The following DTD1 variants were observed in gnomAD, a reference collection of about 807,000 sequenced individuals.
DTD1 encodes the protein D-tyrosyl-tRNA deacylase 1 homolog.
A neutral mutation model predicts 25.6 loss-of-function variants in DTD1; 13 were observed. That is an observed-to-expected ratio of 0.51 (90% CI 0.33 to 0.81). The LOEUF (loss-of-function observed/expected upper bound fraction) is 0.81, where lower values mean the gene tolerates loss of function less well. Ranked by LOEUF, DTD1 falls within the 30% of genes least tolerant of loss-of-function variation. The pLI, the probability that DTD1 is intolerant of heterozygous loss-of-function variation, is 0.02. For synonymous variants in DTD1, 110 were observed against 103.6 expected, an observed-to-expected ratio of 1.06 and a Z score of -0.37; for missense variants, 193 against 266.4, an observed-to-expected ratio of 0.72 and a Z score of 1.92.
intron 4 of DTD1, among the ~76,000 whole-genome samples, chr20:18,723,906 G>A (rs1568681971): frequency 1.3e-5 from 2 of 152,194 alleles, no homozygotes; most frequent in Non-Finnish European, 2.9e-5. Context: ...GAGTGGCTCA[G>A]TAGTGTCCTC....
At chr20:18,716,073 C>T (rs2061179446) in intron 4 of DTD1, among the ~76,000 whole-genome samples, 1 of 152,182 alleles carries the variant, frequency 6.6e-6, no homozygotes, top group Non-Finnish European at 1.5e-5. Context: ...AACTGCTTTT[C>T]AGGCATTTGG....
intron 4 of DTD1, chr20:18,631,056 C>T: frequency 1.0e-6 from 1 of 985,396 alleles, no homozygotes; most frequent in Non-Finnish European, 1.2e-6. Context: ...ACCTCTTTCC[C>T]CTTGTCTGTC....
At chr20:18,627,725 C>T (rs1324780003) in intron 3 of DTD1, among the ~76,000 whole-genome samples, 1 of 152,182 alleles carries the variant, frequency 6.6e-6, no homozygotes, top group Non-Finnish European at 1.5e-5. Context: ...CAAATCTCAT[C>T]TTGAATTGTA....
chr20:18,754,374 G>C (rs2061331321), intron 5 of DTD1, among the ~76,000 whole-genome samples: 1 of 152,162 alleles, frequency 6.6e-6, no homozygotes, highest in South Asian at 2.1e-4. Flanking sequence ...TGAAATTGTG[G>C]TGCTAAGTTA....
At chr20:18,694,645 G>A (rs1199266396) in intron 4 of DTD1, among the ~76,000 whole-genome samples, 1 of 152,234 alleles carries the variant, frequency 6.6e-6, no homozygotes, top group Non-Finnish European at 1.5e-5. Flanking sequence ...TTAGGGAGCA[G>A]CAGCCGGGCC....
intron 4 of DTD1, among the ~76,000 whole-genome samples, chr20:18,743,376 G>T (rs1188689535): frequency 3.3e-5 from 5 of 152,216 alleles, no homozygotes; most frequent in Non-Finnish European, 7.3e-5. Context: ...CTTCAGCAAA[G>T]AGTAATGTGT....
At position 18,593,662 on chromosome 20, in the gene DTD1, G is replaced by A. The variant is rs2060599228; in HGVS notation, c.44-69G>A. On this transcript the variant is annotated intron_variant, in intron 1 of 5. Transcript: ENST00000377452. ...TGTATGATGTTTAAAATACTCCTAT[G>A]GTTACTTAAAAGTGCTTTATGACCT... 3.7e-6 allele frequency: 4 copies of A among 1,087,142 alleles called. No individual in the cohort carries two copies. In the South Asian group the frequency reaches 5.2e-5, roughly 14 times the overall value. 67.3% of individuals were successfully genotyped at this position (1,087,142 alleles called of 1,614,324 possible).
At chr20:18,698,112 C>CT (rs570157344) in intron 4 of DTD1, among the ~76,000 whole-genome samples, 122 of 152,280 alleles carry the variant, frequency 8.0e-4, no homozygotes, top group Non-Finnish European at 1.5e-3. Context: ...ATCAGTAAAA[C>CT]TTTAGCAAAT....
At chr20:18,674,131 A>G (rs2060960882) in intron 4 of DTD1, among the ~76,000 whole-genome samples, 1 of 152,144 alleles carries the variant, frequency 6.6e-6, no homozygotes, top group Non-Finnish European at 1.5e-5. Flanking sequence ...TGATATTAAT[A>G]TACAGAGAAA....
intron 4 of DTD1, among the ~76,000 whole-genome samples, chr20:18,635,299 A>G (rs1239691172): frequency 6.6e-6 from 1 of 152,258 alleles, no homozygotes; most frequent in Non-Finnish European, 1.5e-5. Context: ...GGAACTCAGC[A>G]AAGCGTCCTC....
At chr20:18,759,732 G>T (rs1249675129) in intron 5 of DTD1, among the ~76,000 whole-genome samples, 6 of 152,162 alleles carry the variant, frequency 3.9e-5, no homozygotes, top group Non-Finnish European at 8.8e-5. Flanking sequence ...CTCTTCTCGA[G>T]CAGTATCTTT....
intron 4 of DTD1, among the ~76,000 whole-genome samples, chr20:18,663,202 A>C (rs1485737327): frequency 6.6e-6 from 1 of 152,112 alleles, no homozygotes; most frequent in Non-Finnish European, 1.5e-5. Flanking sequence ...TTCATGATCT[A>C]GTTTGGTAGA....
chr20:18,720,355 C>T (rs898592574), intron 4 of DTD1, among the ~76,000 whole-genome samples: 2 of 152,282 alleles, frequency 1.3e-5, no homozygotes, highest in South Asian at 2.1e-4. Flanking sequence ...CTCATTTGCA[C>T]CTACCTGCAG....
intron 4 of DTD1, among the ~76,000 whole-genome samples, chr20:18,739,075 C>T (rs1319737148): frequency 2.0e-5 from 3 of 152,152 alleles, no homozygotes; most frequent in Non-Finnish European, 4.4e-5. Flanking sequence ...TGCAGTGTGT[C>T]CTAAGGCCTT....
chr20:18,649,127 C>G (rs1319971005), intron 4 of DTD1, among the ~76,000 whole-genome samples: 2 of 151,022 alleles, frequency 1.3e-5, no homozygotes, highest in Non-Finnish European at 2.9e-5. Flanking sequence ...CTAACATATT[C>G]CTTCTTTTTG....
chr20:18,641,308 G>A (rs1351425445), intron 4 of DTD1, among the ~76,000 whole-genome samples: 2 of 152,174 alleles, frequency 1.3e-5, no homozygotes, highest in African/African-American at 2.4e-5. Flanking sequence ...TAACATTGGT[G>A]TACCAATATC....
chr20:18,625,894 A>C (rs144066136), intron 3 of DTD1, among the ~76,000 whole-genome samples: 1 of 152,218 alleles, frequency 6.6e-6, no homozygotes, highest in Non-Finnish European at 1.5e-5. Flanking sequence ...CCCATGTCCC[A>C]TACTGGTCCC....
intron 4 of DTD1, among the ~76,000 whole-genome samples, chr20:18,669,020 C>T (rs186988255): frequency 3.3e-4 from 51 of 152,348 alleles, no homozygotes; most frequent in Middle Eastern, 3.4e-3. Context: ...GATGGCTTGG[C>T]TCCATCCTCA....
intron 4 of DTD1, among the ~76,000 whole-genome samples, chr20:18,676,995 C>G (rs1338977733): frequency 6.6e-6 from 1 of 152,196 alleles, no homozygotes; most frequent in African/African-American, 2.4e-5. Flanking sequence ...TGCCTCCCAC[C>G]CCCTAAAAAG....
Sources: gnomAD v4.1 joint callset for allele counts (sites outside exome capture counted in the v4.1 genomes callset) on GRCh38, gnomAD v4.1.1 for gene constraint, MANE v1.5 for transcripts, NCBI Gene and HGNC (gene_info 2026-07-23, HGNC 2026-07-21) for gene names.